PRKAR1A: variants seen among roughly 807,000 people sequenced by gnomAD.
The protein encoded by PRKAR1A is protein kinase cAMP-dependent type I regulatory subunit alpha, also known as cAMP-dependent protein kinase type I-alpha regulatory subunit.
Under a neutral mutation model 52.0 loss-of-function variants are expected in PRKAR1A, and 3 were observed. That is an observed-to-expected ratio of 0.06 (90% confidence interval 0.03 to 0.15). PRKAR1A has a LOEUF of 0.15. Among genes scored for constraint, PRKAR1A ranks in the 10% least tolerant of loss-of-function variants. The probability of loss-of-function intolerance (pLI) is 1.00; values close to 1 mark genes in which losing one functional copy is unlikely to be tolerated. For missense variants in PRKAR1A, 240 were observed against 477.4 expected, an observed-to-expected ratio of 0.50 and a Z score of 4.63; for synonymous variants, 188 against 168.4, an observed-to-expected ratio of 1.12 and a Z score of -0.90.
In PRKAR1A at chr17:68,532,248, G is replaced by T; in HGVS notation, c.*1799G>T. 9.6e-7 allele frequency: 1 copy of T among 1,042,050 alleles called. No individual in the cohort carries two copies. The highest frequency in any genetic ancestry group is 1.2e-6 in the Non-Finnish European group (1 of 858,094). The allele number at this position is 1,042,050 out of a possible 1,614,324, so 64.6% of individuals were successfully genotyped here. On this transcript the variant is annotated 3_prime_UTR_variant, in exon 11 of 11. Coordinates refer to ENST00000589228, the MANE Select transcript of PRKAR1A (RefSeq NM_002734.5). ...TTACGTTCTTACAAGCTTAAAGCTT[G>T]ATTTGATCTTTGTTTAAATGCCAAA...
chr17:68,513,825 A>G (rs367791826), intron 1 of PRKAR1A, among the ~76,000 whole-genome samples: 7 of 152,214 alleles, frequency 4.6e-5, no homozygotes, highest in African/African-American at 1.7e-4. Context: ...TTCACTCCTT[A>G]GGCCCAGTTC....
At chr17:68,476,633 T>G in the PRKAR1A span, among the ~76,000 whole-genome samples, 2 of 151,398 alleles carry the variant, frequency 1.3e-5, no homozygotes, top group Non-Finnish European at 2.9e-5. Context: ...CATCCTTCCC[T>G]CTCTCCCTCC....
intron 2 of PRKAR1A, among the ~76,000 whole-genome samples, chr17:68,518,179 G>A (rs1023471896): frequency 2.6e-5 from 4 of 152,210 alleles, no homozygotes; most frequent in African/African-American, 9.6e-5. Flanking sequence ...TTTTCCAGGT[G>A]CATGGTGCAA....
At chr17:68,426,060 G>A in the PRKAR1A span, 1 of 1,610,762 alleles carries the variant, frequency 6.2e-7, no homozygotes, top group Non-Finnish European at 8.5e-7. Context: ...CCAGTTACGG[G>A]TTCCTAATGC....
At chr17:68,521,356 A>G (rs753629600) in intron 2 of PRKAR1A, among the ~76,000 whole-genome samples, 1 of 152,202 alleles carries the variant, frequency 6.6e-6, no homozygotes, top group African/African-American at 2.4e-5. Flanking sequence ...CAGCTTCCCA[A>G]GTAGCTGGGA....
the PRKAR1A span, among the ~76,000 whole-genome samples, chr17:68,504,938 A>G: frequency 2.0e-5 from 3 of 152,218 alleles, no homozygotes; most frequent in Non-Finnish European, 4.4e-5. Flanking sequence ...CCCCATAAAT[A>G]CATACACCTT....
the PRKAR1A span, among the ~76,000 whole-genome samples, chr17:68,488,777 T>C: frequency 6.9e-6 from 1 of 144,630 alleles, no homozygotes; most frequent in Admixed American, 6.8e-5. Flanking sequence ...GGCTTCTCCA[T>C]CATTCCTTTC....
the PRKAR1A span, among the ~76,000 whole-genome samples, chr17:68,426,404 A>G: frequency 6.6e-6 from 1 of 151,798 alleles, no homozygotes; most frequent in South Asian, 2.1e-4. Context: ...ACCTCTTTGA[A>G]TTTTTCTTTG....
chr17:68,522,700 A>T, intron 2 of PRKAR1A, 56 bp from the exon 3 acceptor site: 1 of 1,572,436 alleles, frequency 6.4e-7, no homozygotes, highest in Non-Finnish European at 8.7e-7. Context: ...GGAACATGAG[A>T]GTGCCAGCTT....
chr17:68,535,483 G>A (rs1424215550), downstream of PRKAR1A: 2 of 453,996 alleles, frequency 4.4e-6, no homozygotes, highest in South Asian at 3.1e-5. Flanking sequence ...TTCTTTGAAT[G>A]TTTTTACCCA....
upstream of PRKAR1A, among the ~76,000 whole-genome samples, chr17:68,507,009 C>T (rs1223463236): frequency 6.6e-6 from 1 of 152,032 alleles, no homozygotes; most frequent in Non-Finnish European, 1.5e-5. Context: ...GGGAGAAAGC[C>T]CATTGTTTTC....
At chr17:68,459,720 T>C in the PRKAR1A span, among the ~76,000 whole-genome samples, 17 of 152,334 alleles carry the variant, frequency 1.1e-4, no homozygotes, top group African/African-American at 3.6e-4. Context: ...TTCTAGAAGA[T>C]ACATTTAAAA....
chr17:68,437,014 A>ATGTGTGTGTGTGTGTGTG, the PRKAR1A span, among the ~76,000 whole-genome samples: 24 of 82,138 alleles, frequency 2.9e-4, no homozygotes, highest in Middle Eastern at 7.9e-3. Context: ...AAATATATAT[A>ATGTGTGTGTGTGTGTGTG]TATGTGTGTG....
chr17:68,454,886 C>T, the PRKAR1A span, among the ~76,000 whole-genome samples: 1 of 149,306 alleles, frequency 6.7e-6, no homozygotes, highest in East Asian at 2.0e-4. Context: ...GAGAAAATCA[C>T]AGAGTGATGT....
At chr17:68,436,620 C>CTGA in the PRKAR1A span, 1 of 692,150 alleles carries the variant, frequency 1.4e-6, no homozygotes, top group Non-Finnish European at 2.4e-6. Context: ...CTGCTTTCCG[C>CTGA]TGATGATTCT....
chr17:68,480,499 G>A, the PRKAR1A span, among the ~76,000 whole-genome samples: 1 of 152,110 alleles, frequency 6.6e-6, no homozygotes, highest in Non-Finnish European at 1.5e-5. Context: ...CAGGCTAGGG[G>A]GTTTAGTTTC....
At chr17:68,520,352 G>T (rs1018947418) in intron 2 of PRKAR1A, among the ~76,000 whole-genome samples, 2 of 152,196 alleles carry the variant, frequency 1.3e-5, no homozygotes, top group Non-Finnish European at 2.9e-5. Flanking sequence ...GAACCTAAGA[G>T]TCAAGAAGAT....
the PRKAR1A span, among the ~76,000 whole-genome samples, chr17:68,471,941 C>T: frequency 6.6e-6 from 1 of 152,154 alleles, no homozygotes; most frequent in African/African-American, 2.4e-5. Context: ...GCTGGGATTA[C>T]AGGCACCCGC....
At chr17:68,508,108 G>A (rs1003137027), upstream of PRKAR1A, among the ~76,000 whole-genome samples, 1 of 152,172 alleles carries the variant, frequency 6.6e-6, no homozygotes. Context: ...AAGGAGTTCT[G>A]CCTTGGACTT....
Sources: allele counts gnomAD v4.1 joint callset (sites outside exome capture counted in the v4.1 genomes callset), GRCh38; gene constraint gnomAD v4.1.1; transcripts MANE v1.5; gene names NCBI Gene and HGNC (gene_info 2026-07-23, HGNC 2026-07-21).